The following ADAT2 variants were observed in gnomAD, a reference collection of about 807,000 sequenced individuals.
ADAT2 encodes the protein tRNA-specific adenosine-34 deaminase catalytic subunit ADAT2.
A neutral mutation model predicts 25.9 loss-of-function variants in ADAT2; 26 were observed. The observed-to-expected ratio is 1.00, with a 90% CI of 0.74 to 1.39. The LOEUF (loss-of-function observed/expected upper bound fraction) is 1.39. Among genes scored for constraint, ADAT2 ranks in the 40% most tolerant of loss-of-function variants. The pLI is 0.00. For synonymous variants in ADAT2, 76 were observed against 86.8 expected (o/e 0.88, Z 0.69); for missense variants, 220 against 244.8 (o/e 0.90, Z 0.68).
rs903124684 is a variant in ADAT2 at position 143,446,717 on chromosome 6, C to T, written c.96+3846G>A. 1.3e-4 allele frequency among the ~76,000 whole-genome samples: 19 copies of T among 151,510 alleles called. No homozygotes were observed. The highest frequency in any genetic ancestry group is 7.8e-4 in the East Asian group (4 of 5,148). ...GGCAGGCCAGGCCAGTATTTAACAG[C>T]AGATGACAGGCCTCAAATCACAGCC... On this transcript the variant is annotated intron_variant, in intron 1 of 5. Coordinates refer to ENST00000237283, the MANE Select transcript of ADAT2 (RefSeq NM_182503.3). This position sits in a 1 kb window ranked among gnomAD's most constrained non-coding sequence, Gnocchi z 5.0.
chr6:143,450,688 C>CG lies in ADAT2; in HGVS notation c.-31dup. 1 of 1,608,138 alleles carries CG rather than the reference C, an allele frequency of 6.2e-7. No homozygotes were observed. Among genetic ancestry groups the CG allele is most frequent in the Non-Finnish European group, 8.5e-7 (1 of 1,177,840 alleles). Reference sequence around the variant, plus strand: ...AGCCACCACTCAGCTACAGAGCCCGCGGCAGAGGAGGAGCGCGGGCAGCGG... The same window carrying CG: ...AGCCACCACTCAGCTACAGAGCCCGCGGGCAGAGGAGGAGCGCGGGCAGCGG... On this transcript the variant is annotated 5_prime_UTR_variant, in exon 1 of 6. Coordinates refer to ENST00000237283, the MANE Select transcript of ADAT2 (RefSeq NM_182503.3).
chr6:143,433,561 A>G (rs746608194), intron 3 of ADAT2, among the ~76,000 whole-genome samples: 7 of 152,180 alleles, frequency 4.6e-5, no homozygotes, highest in Non-Finnish European at 8.8e-5. Context: ...AACTTAATTT[A>G]TGATTTACCT....
Position 143,440,653 on chromosome 6 carries a change from T to G in ADAT2, c.97-1959A>C, listed in dbSNP as rs1321506839. The stretch of plus-strand genomic sequence containing the variant: ...TAAAGCATGTCCAGTTTATGCAAGT[T>G]CAAAAGGCTTGAAGAGTCCCGAGGT... On this transcript the variant is annotated intron_variant, in intron 1 of 5. Coordinates refer to ENST00000237283, the MANE Select transcript of ADAT2 (RefSeq NM_182503.3). The surrounding 1 kb of genome is among the most constrained non-coding windows in gnomAD (Gnocchi z 4.5). Among the ~76,000 whole-genome samples, 1 of 152,110 alleles carries G rather than the reference T, an allele frequency of 6.6e-6. No homozygotes were observed. Among genetic ancestry groups the G allele is most frequent in the East Asian group, 1.9e-4 (1 of 5,188 alleles).
At chr6:143,430,246 C>CAA (rs897933595) in intron 4 of ADAT2, among the ~76,000 whole-genome samples, 99 of 152,324 alleles carry the variant, frequency 6.5e-4, no homozygotes, top group African/African-American at 2.3e-3. Context: ...CTCGCACACT[C>CAA]AGAGCCCTCT....
rs1170256263 is a variant in ADAT2, at chr6:143,425,330, C to T, written c.*3133G>A. 8.1e-6 allele frequency: 1 copy of T among 123,470 alleles called. No homozygotes were observed. The highest frequency in any genetic ancestry group is 1.6e-5 in the Non-Finnish European group (1 of 63,488). The allele number at this position is 123,470 out of a possible 1,614,324, so 7.6% of individuals were successfully genotyped here. A position where few individuals can be genotyped will look rare whatever the true frequency, so the allele number is the denominator to read the frequency against. On this transcript the variant is annotated 3_prime_UTR_variant, in exon 6 of 6. Transcript: ENST00000237283. Reference sequence around the variant, plus strand: ...AGGAGTTCAAGACCAGCCTGGGCAACATAGTGAGACCTTGTCTCTACAAAA... The same window carrying T: ...AGGAGTTCAAGACCAGCCTGGGCAATATAGTGAGACCTTGTCTCTACAAAA...
intron 1 of ADAT2, among the ~76,000 whole-genome samples, chr6:143,438,908 T>C (rs6570561): frequency 0.28 from 42,831 of 151,934 alleles, 6,289 homozygotes; most frequent in Admixed American, 0.32. Context: ...AAAATCCCCT[T>C]GATAGGTCCA....
chr6:143,444,762 T>C lies in ADAT2; in HGVS notation c.96+5801A>G, dbSNP rs993496565. 3.9e-6 allele frequency: 1 copy of C among 255,596 alleles called. No individual in the cohort carries two copies. The allele number at this position is 255,596 out of a possible 1,614,324, so 15.8% of individuals were successfully genotyped here. A position where few individuals can be genotyped will look rare whatever the true frequency, so the allele number is the denominator to read the frequency against. On this transcript the variant is annotated intron_variant, in intron 1 of 5. Coordinates refer to ENST00000237283, the MANE Select transcript of ADAT2 (RefSeq NM_182503.3). This position sits in a 1 kb window ranked among gnomAD's most constrained non-coding sequence, Gnocchi z 4.3. Reference sequence around the variant, plus strand: ...CAAACACTGGTCTCTATTTTGTCCTTGAATATAATTTCTTTTTTTTCTCTA... The same window carrying C: ...CAAACACTGGTCTCTATTTTGTCCTCGAATATAATTTCTTTTTTTTCTCTA...
intron 1 of ADAT2, among the ~76,000 whole-genome samples, chr6:143,449,205 G>A (rs547930364): frequency 5.3e-5 from 8 of 152,170 alleles, no homozygotes; most frequent in African/African-American, 1.7e-4. Flanking sequence ...ATGCCACCAT[G>A]CCCTACTAAT....
intron 4 of ADAT2, among the ~76,000 whole-genome samples, chr6:143,429,251 G>GA (rs1175650981): frequency 8.0e-5 from 12 of 150,936 alleles, no homozygotes; most frequent in Admixed American, 2.6e-4. Context: ...CTTTGTTAAA[G>GA]AAAAAAAAAG....
chr6:143,444,863 G>C lies in ADAT2; in HGVS notation c.96+5700C>G. On this transcript the variant is annotated intron_variant, in intron 1 of 5. Transcript: ENST00000237283. The surrounding 1 kb of genome is among the most constrained non-coding windows in gnomAD (Gnocchi z 4.3). ...TTCGTAGTTTATTATTTTCTCCAAA[G>C]ACATTACTACTATAAACTGCTTTCT... 1.7e-6 allele frequency: 2 copies of C among 1,145,290 alleles called. No homozygotes were observed. The highest frequency in any genetic ancestry group is 2.9e-5 in the South Asian group (2 of 68,736). 70.9% of individuals were successfully genotyped at this position (1,145,290 alleles called of 1,614,324 possible). A position where few individuals can be genotyped will look rare whatever the true frequency, so the allele number is the denominator to read the frequency against.
At position 143,450,135 on chromosome 6, in the gene ADAT2, C is replaced by T. The variant is rs1468840837; in HGVS notation, c.96+428G>A. Among the ~76,000 whole-genome samples the T allele has an allele frequency of 2.6e-5, 4 of 152,126 alleles. 1 individual carries two copies. On this transcript the variant is annotated intron_variant, in intron 1 of 5. Transcript: ENST00000237283. ...GAGGAAATAATGAATGAATGCGAGA[C>T]GCCGATTGTACAGGGACTTGTTTCC...
chr6:143,434,109 A>G lies in ADAT2; in HGVS notation c.202-128T>C. On this transcript the variant is annotated intron_variant, in intron 2 of 5. Coordinates refer to ENST00000237283, the MANE Select transcript of ADAT2 (RefSeq NM_182503.3). The surrounding 1 kb of genome is among the most constrained non-coding windows in gnomAD (Gnocchi z 4.5). The stretch of plus-strand genomic sequence containing the variant: ...CCAATATTTTAATGAATACAGTTTC[A>G]AGACACCCTTAGCAGTGGACAACGT... 6 of 1,206,950 alleles carry G rather than the reference A, an allele frequency of 5.0e-6. No homozygotes were observed. In the South Asian group the frequency reaches 8.5e-5, roughly 17 times the overall value. The allele number at this position is 1,206,950 out of a possible 1,614,324, so 74.8% of individuals were successfully genotyped here. A position where few individuals can be genotyped will look rare whatever the true frequency, so the allele number is the denominator to read the frequency against.
rs1246487878 is a variant in ADAT2 at position 143,422,926 on chromosome 6, A to G, written c.*5537T>C. 1 of 152,256 alleles carries G rather than the reference A, an allele frequency of 6.6e-6. No individual in the cohort carries two copies. Among genetic ancestry groups the G allele is most frequent in the Non-Finnish European group, 1.5e-5 (1 of 68,044 alleles). The allele number at this position is 152,256 out of a possible 1,614,324, so 9.4% of individuals were successfully genotyped here. A position where few individuals can be genotyped will look rare whatever the true frequency, so the allele number is the denominator to read the frequency against. On this transcript the variant is annotated 3_prime_UTR_variant, in exon 6 of 6. Coordinates refer to ENST00000237283, the MANE Select transcript of ADAT2 (RefSeq NM_182503.3). This position sits in a 1 kb window ranked among gnomAD's most constrained non-coding sequence, Gnocchi z 4.3. ...ACTCTCTTAAAATGTATACAAGGAA[A>G]TAAAACATTCTAAGCCAGAAAACAT...
Position 143,446,530 on chromosome 6 carries a change from C to G in ADAT2, c.96+4033G>C, listed in dbSNP as rs1779604766. ...TGCGATTTTTTAAATCAAACTATTA[C>G]AAAATTGGGGAAAGTATATGCCTCG... On this transcript the variant is annotated intron_variant, in intron 1 of 5. Coordinates refer to ENST00000237283, the MANE Select transcript of ADAT2 (RefSeq NM_182503.3). The surrounding 1 kb of genome is among the most constrained non-coding windows in gnomAD (Gnocchi z 5.0). Among the ~76,000 whole-genome samples, 1 of 151,872 alleles carries G rather than the reference C, an allele frequency of 6.6e-6. No individual in the cohort carries two copies. Among genetic ancestry groups the G allele is most frequent in the African/African-American group, 2.4e-5 (1 of 41,332 alleles).
chr6:143,431,891 CAT>C (rs1158911195), intron 4 of ADAT2, among the ~76,000 whole-genome samples: 1 of 152,130 alleles, frequency 6.6e-6, no homozygotes, highest in Non-Finnish European at 1.5e-5. Flanking sequence ...TCCTTTTGTT[CAT>C]AGTCTGACCC....
In ADAT2 at chr6:143,423,220, A is replaced by G. The variant is rs2128736060; in HGVS notation, c.*5243T>C. The G allele has an allele frequency of 6.6e-6, 1 of 152,380 alleles. No homozygotes were observed. Among genetic ancestry groups the G allele is most frequent in the Non-Finnish European group, 1.5e-5 (1 of 68,044 alleles). 9.4% of individuals were successfully genotyped at this position (152,380 alleles called of 1,614,324 possible). ...TTTGTCACCACTGCTCAACTCTGCC[A>G]TTGTAGCACACGAGCAGCCACAGAC... is the stretch of plus-strand genomic sequence containing the variant. On this transcript the variant is annotated 3_prime_UTR_variant, in exon 6 of 6. Transcript: ENST00000237283.
intron 1 of ADAT2, among the ~76,000 whole-genome samples, chr6:143,443,910 T>C (rs1779528113): frequency 6.6e-6 from 1 of 151,426 alleles, no homozygotes; most frequent in South Asian, 2.1e-4. Flanking sequence ...GGATTTTCTG[T>C]AAAAATATCT....
At chr6:143,435,583 C>T (rs1337482296) in intron 2 of ADAT2, among the ~76,000 whole-genome samples, 2 of 152,158 alleles carry the variant, frequency 1.3e-5, no homozygotes, top group Non-Finnish European at 2.9e-5. Context: ...CATCTTAAGA[C>T]ATCATACACA....
chr6:143,439,358 A>G (rs1200347318), intron 1 of ADAT2, among the ~76,000 whole-genome samples: 2 of 151,530 alleles, frequency 1.3e-5, no homozygotes, highest in Admixed American at 6.6e-5. Flanking sequence ...AAAAAAAAAA[A>G]AAAAAGAAGA....
Sources: allele counts gnomAD v4.1 joint callset (sites outside exome capture counted in the v4.1 genomes callset), GRCh38; gene constraint gnomAD v4.1.1; non-coding constraint Gnocchi (gnomAD v3.1); transcripts MANE v1.5; gene names NCBI Gene and HGNC (gene_info 2026-07-23, HGNC 2026-07-21).